The following GPC6 variants were observed in gnomAD, a reference collection of about 807,000 sequenced individuals.
GPC6 encodes the protein glypican 6.
In GPC6, 14 loss-of-function variants were observed where a neutral mutation model predicts 55.2. That is an observed-to-expected ratio of 0.25 (90% CI 0.17 to 0.40). GPC6 has a LOEUF of 0.40. Ranked by LOEUF, GPC6 falls within the 10% of genes least tolerant of loss-of-function variation. The pLI is 1.00. For synonymous variants in GPC6, 278 were observed against 259.6 expected (o/e 1.07, Z -0.68); for missense variants, 641 against 708.5 (o/e 0.90, Z 1.08).
At chr13:93,992,141 T>C (rs1435731021) in intron 3 of GPC6, among the ~76,000 whole-genome samples, 2 of 151,542 alleles carry the variant, frequency 1.3e-5, no homozygotes, top group Non-Finnish European at 2.9e-5. Flanking sequence ...AATAGATTCA[T>C]ATGTAAATGT....
chr13:93,662,013 C>T (rs768735537), intron 2 of GPC6, among the ~76,000 whole-genome samples: 2 of 152,060 alleles, frequency 1.3e-5, no homozygotes, highest in African/African-American at 2.4e-5. Flanking sequence ...GGGATACTGC[C>T]GGTCCCCAAA....
At chr13:93,654,079 A>G (rs1423392091) in intron 2 of GPC6, among the ~76,000 whole-genome samples, 2 of 152,154 alleles carry the variant, frequency 1.3e-5, no homozygotes, top group African/African-American at 4.8e-5. Flanking sequence ...TTGAGAAGAA[A>G]TAACGGTTAG....
At chr13:93,539,336 G>T (rs1882191948) in intron 1 of GPC6, among the ~76,000 whole-genome samples, 1 of 152,166 alleles carries the variant, frequency 6.6e-6, no homozygotes, top group Admixed American at 6.5e-5. Context: ...CCATTTTGGT[G>T]TTGTCGAAAT....
intron 2 of GPC6, among the ~76,000 whole-genome samples, chr13:93,578,640 TTTG>T (rs1876788268): frequency 7.0e-6 from 1 of 142,158 alleles, no homozygotes; most frequent in Non-Finnish European, 1.5e-5. Flanking sequence ...CTACATTTGT[TTTG>T]TTTTTTTTTT....
chr13:93,999,625 C>T (rs1259638781), intron 3 of GPC6, among the ~76,000 whole-genome samples: 1 of 152,184 alleles, frequency 6.6e-6, no homozygotes, highest in Non-Finnish European at 1.5e-5. Context: ...GCAGGATTTT[C>T]TACTTTTTAA....
intron 1 of GPC6, among the ~76,000 whole-genome samples, chr13:93,364,983 G>C (rs1214890079): frequency 6.6e-6 from 1 of 151,890 alleles, no homozygotes; most frequent in African/African-American, 2.4e-5. Flanking sequence ...TGGTTTTCTA[G>C]TGTAATAGTC....
chr13:93,668,142 A>G (rs1881220812), intron 2 of GPC6, among the ~76,000 whole-genome samples: 1 of 152,204 alleles, frequency 6.6e-6, no homozygotes, highest in Admixed American at 6.5e-5. Context: ...CTGGCATGGA[A>G]TCTTGCAAGA....
At chr13:93,566,583 T>C (rs1464353347) in intron 2 of GPC6, among the ~76,000 whole-genome samples, 5 of 152,062 alleles carry the variant, frequency 3.3e-5, no homozygotes, top group Non-Finnish European at 5.9e-5. Flanking sequence ...TTTGTTATTA[T>C]ACTTTAATTT....
intron 2 of GPC6, among the ~76,000 whole-genome samples, chr13:93,694,468 C>T (rs1441862871): frequency 6.6e-6 from 1 of 152,088 alleles, no homozygotes; most frequent in African/African-American, 2.4e-5. Flanking sequence ...AAATTGTGCT[C>T]CAGAAGGAAC....
At chr13:93,719,780 G>A (rs958994614) in intron 2 of GPC6, among the ~76,000 whole-genome samples, 3 of 151,992 alleles carry the variant, frequency 2.0e-5, no homozygotes, top group Non-Finnish European at 4.4e-5. Flanking sequence ...TTTATTGAGT[G>A]TTTTTAGCAT....
At chr13:93,443,169 C>A (rs1282741992) in intron 1 of GPC6, among the ~76,000 whole-genome samples, 3 of 152,094 alleles carry the variant, frequency 2.0e-5, no homozygotes, top group Admixed American at 1.3e-4. Context: ...TTTATAAGTG[C>A]AAACAATGGT....
At chr13:94,045,338 A>G (rs868807883) in intron 4 of GPC6, among the ~76,000 whole-genome samples, 1 of 151,938 alleles carries the variant, frequency 6.6e-6, no homozygotes, top group Non-Finnish European at 1.5e-5. Flanking sequence ...TCACATACCA[A>G]ATGTCAATAT....
At chr13:93,221,588 C>T in the GPC6 span, among the ~76,000 whole-genome samples, 1 of 152,092 alleles carries the variant, frequency 6.6e-6, no homozygotes, top group Non-Finnish European at 1.5e-5. Context: ...ATGTTTAAGG[C>T]TCAATAAATG....
chr13:93,303,843 A>C (rs1041532125), intron 1 of GPC6, among the ~76,000 whole-genome samples: 2 of 151,448 alleles, frequency 1.3e-5, no homozygotes, highest in Admixed American at 1.3e-4. Context: ...GATTTTGCTT[A>C]TAGAGACAGT....
chr13:94,372,660 C>T (rs1414119155), intron 6 of GPC6, among the ~76,000 whole-genome samples: 1 of 152,232 alleles, frequency 6.6e-6, no homozygotes, highest in Non-Finnish European at 1.5e-5. Context: ...ATTGCCCAGG[C>T]TTGATTAGGT....
chr13:93,545,544 ATT>A lies in GPC6; in HGVS notation c.319+124_319+125del, dbSNP rs1874742722. The A allele has an allele frequency of 3.6e-6, 3 of 826,540 alleles. No individual in the cohort carries two copies. In the South Asian group the frequency reaches 4.5e-5, roughly 12 times the overall value. The allele number at this position is 826,540 out of a possible 1,614,324, so 51.2% of individuals were successfully genotyped here. ...TCTATCCCTCTTAAATATTTATAGCATTGTCTATTTTTAGAAAAAGCATGAGT... is the reference window on the plus strand; with the variant it reads ...TCTATCCCTCTTAAATATTTATAGCAGTCTATTTTTAGAAAAAGCATGAGT... On this transcript the variant is annotated intron_variant, in intron 2 of 8. Transcript: ENST00000377047.
chr13:94,132,120 A>G (rs1887024113), intron 4 of GPC6, among the ~76,000 whole-genome samples: 1 of 152,122 alleles, frequency 6.6e-6, no homozygotes, highest in Non-Finnish European at 1.5e-5. Flanking sequence ...CACGGAGGCC[A>G]TGATGGTTTT....
chr13:94,214,509 TA>T (rs1199708595), intron 4 of GPC6, among the ~76,000 whole-genome samples: 1 of 152,210 alleles, frequency 6.6e-6, no homozygotes, highest in Non-Finnish European at 1.5e-5. Context: ...TGGAGTTACC[TA>T]AAGTTGTTTT....
At chr13:93,903,550 T>A (rs1331230978) in intron 3 of GPC6, among the ~76,000 whole-genome samples, 1 of 152,178 alleles carries the variant, frequency 6.6e-6, no homozygotes, top group African/African-American at 2.4e-5. Flanking sequence ...AGACTATATA[T>A]TGTAGCATAA....
Sources: allele counts gnomAD v4.1 joint callset (sites outside exome capture counted in the v4.1 genomes callset), GRCh38; gene constraint gnomAD v4.1.1; transcripts MANE v1.5; gene names NCBI Gene and HGNC (gene_info 2026-07-23, HGNC 2026-07-21).